The following ABCA4 variants were observed in gnomAD, a reference collection of about 807,000 sequenced individuals.
The protein encoded by ABCA4 is ATP binding cassette subfamily A member 4.
ABCA4 carries 196 observed loss-of-function variants against 263.7 expected under a neutral mutation model. The observed-to-expected ratio is 0.74, with a 90% CI of 0.66 to 0.84. The LOEUF is 0.84. Ranked by LOEUF, ABCA4 falls within the 40% of genes least tolerant of loss-of-function variation. ABCA4 has a pLI of 0.00. For synonymous variants in ABCA4, 1,133 were observed against 1,094.2 expected, an observed-to-expected ratio of 1.04 and a Z score of -0.70; for missense variants, 2,792 against 2,855.1, an observed-to-expected ratio of 0.98 and a Z score of 0.50.
At chr1:94,003,402 T>C (rs1192499618) in intron 44 of ABCA4, among the ~76,000 whole-genome samples, 3 of 152,042 alleles carry the variant, frequency 2.0e-5, no homozygotes, top group African/African-American at 7.2e-5. Context: ...TGTCAGATGT[T>C]TCCTCATGAT....
At chr1:94,007,920 G>T (rs1406875730) in intron 42 of ABCA4, among the ~76,000 whole-genome samples, 180 bp from the exon 43 acceptor site, 1 of 152,106 alleles carries the variant, frequency 6.6e-6, no homozygotes, top group Non-Finnish European at 1.5e-5. Flanking sequence ...AGTTGACACG[G>T]GCCCTGAGTG....
intron 4 of ABCA4, among the ~76,000 whole-genome samples, chr1:94,106,379 C>A (rs1008711389): frequency 2.6e-5 from 4 of 152,190 alleles, no homozygotes; most frequent in Non-Finnish European, 5.9e-5. Context: ...ATCTGATGAT[C>A]AGGCACTTAA....
intron 24 of ABCA4, 60 bp from the exon 25 acceptor site, chr1:94,037,410 G>T: frequency 9.9e-6 from 15 of 1,516,840 alleles, no homozygotes; most frequent in Non-Finnish European, 1.3e-5. Flanking sequence ...AGACTGTGAG[G>T]TTACCCAGAT....
At chr1:94,039,927 C>T in intron 24 of ABCA4, 116 bp downstream of exon 24, 1 of 841,102 alleles carries the variant, frequency 1.2e-6, no homozygotes. Flanking sequence ...GTGTGACCTG[C>T]AGAAGTACCC....
At chr1:94,034,964 C>T (rs915043165) in intron 26 of ABCA4, among the ~76,000 whole-genome samples, 1 of 152,118 alleles carries the variant, frequency 6.6e-6, no homozygotes, top group Admixed American at 6.5e-5. Flanking sequence ...CTCCATTTTG[C>T]AGATGGGGAA....
At chr1:94,102,406 G>A (rs1027168676) in intron 5 of ABCA4, among the ~76,000 whole-genome samples, 2 of 151,788 alleles carry the variant, frequency 1.3e-5, no homozygotes, top group African/African-American at 2.4e-5. Context: ...TTCCAAGCCC[G>A]GAACTCCCCT....
At chr1:94,014,955 C>A (rs1020014302) in intron 37 of ABCA4, among the ~76,000 whole-genome samples, 2 of 152,152 alleles carry the variant, frequency 1.3e-5, no homozygotes, top group African/African-American at 4.8e-5. Context: ...AACTACAAAG[C>A]CCTGTACAAT....
At chr1:94,035,825 GC>G (rs762859549) in intron 26 of ABCA4, among the ~76,000 whole-genome samples, 1 of 152,168 alleles carries the variant, frequency 6.6e-6, no homozygotes, top group East Asian at 1.9e-4. Context: ...TCCACCCTCT[GC>G]TGTAAACTCT....
chr1:94,000,572 C>T (rs1270838522), intron 47 of ABCA4, among the ~76,000 whole-genome samples: 1 of 152,116 alleles, frequency 6.6e-6, no homozygotes, highest in African/African-American at 2.4e-5. Flanking sequence ...TCATCCCAGC[C>T]AGGCTCTGCA....
In ABCA4 at chr1:94,094,265, G is replaced by A. The variant is rs567129700; in HGVS notation, c.768+4529C>T. 7.9e-5 allele frequency among the ~76,000 whole-genome samples: 12 copies of A among 152,206 alleles called. No homozygotes were observed. In the East Asian group the frequency reaches 1.7e-3, roughly 22 times the overall value. ...TGGCAACTCTCACTGGGTAGGGGGC[G>A]GTCCACCCACGCTTCTCCCCAGTGA... On this transcript the variant is annotated intron_variant, in intron 6 of 49. Coordinates refer to ENST00000370225, the MANE Select transcript of ABCA4 (RefSeq NM_000350.3).
intron 17 of ABCA4, among the ~76,000 whole-genome samples, chr1:94,049,946 G>C (rs1424613643): frequency 6.6e-6 from 1 of 152,180 alleles, no homozygotes; most frequent in East Asian, 1.9e-4. Flanking sequence ...CAGTCTGCCA[G>C]AGAGGAAGGC....
intron 30 of ABCA4, among the ~76,000 whole-genome samples, chr1:94,025,817 C>A (rs770420609): frequency 2.0e-5 from 3 of 152,120 alleles, no homozygotes; most frequent in Non-Finnish European, 2.9e-5. Context: ...TATCTGTAAT[C>A]CCCCGTAGGA....
chr1:94,062,541 C>T (rs766596095), intron 13 of ABCA4, 36 bp downstream of exon 13: 17 of 1,605,256 alleles, frequency 1.1e-5, no homozygotes, highest in Admixed American at 6.7e-5. Context: ...CCCCCATTAG[C>T]GTGTCATGGA....
chr1:94,084,082 G>A (rs76892420), intron 6 of ABCA4, among the ~76,000 whole-genome samples: 1,558 of 152,306 alleles, frequency 0.01, 26 homozygotes, highest in African/African-American at 0.036. Context: ...TTGCCACCTC[G>A]GCAGGGGATG....
intron 49 of ABCA4, among the ~76,000 whole-genome samples, chr1:93,994,773 C>A (rs1231286637): frequency 6.6e-6 from 1 of 152,122 alleles, no homozygotes; most frequent in African/African-American, 2.4e-5. Flanking sequence ...AAAATGATCT[C>A]ATCCAATAAG....
intron 1 of ABCA4, among the ~76,000 whole-genome samples, chr1:94,116,314 CA>C (rs1000238305): frequency 5.9e-5 from 9 of 151,902 alleles, no homozygotes; most frequent in African/African-American, 1.9e-4. Context: ...TTGATTAGGT[CA>C]GCACTTCTCA....
intron 34 of ABCA4, 26 bp downstream of exon 34, chr1:94,021,614 G>A: frequency 6.3e-7 from 1 of 1,594,564 alleles, no homozygotes; most frequent in Non-Finnish European, 8.6e-7. Context: ...TTTAGCTCCA[G>A]AGCAGATTAT....
At chr1:94,065,316 C>T (rs1341116542) in intron 11 of ABCA4, among the ~76,000 whole-genome samples, 2 of 152,092 alleles carry the variant, frequency 1.3e-5, no homozygotes, top group African/African-American at 4.8e-5. Context: ...TGAGTGACTC[C>T]CCCAGAGGCG....
At chr1:94,030,702 G>T (rs1164400026) in intron 28 of ABCA4, among the ~76,000 whole-genome samples, 176 bp from the exon 29 acceptor site, 1 of 152,152 alleles carries the variant, frequency 6.6e-6, no homozygotes, top group Non-Finnish European at 1.5e-5. Flanking sequence ...CACTCGCAGT[G>T]GTCTGATGGC....
Sources: gnomAD v4.1 joint callset for allele counts (sites outside exome capture counted in the v4.1 genomes callset) on GRCh38, gnomAD v4.1.1 for gene constraint, MANE v1.5 for transcripts, NCBI Gene and HGNC (gene_info 2026-07-23, HGNC 2026-07-21) for gene names.